The following STMP1 variants were observed in gnomAD, a reference collection of about 807,000 sequenced individuals.
STMP1 encodes the protein mitolamban.
In STMP1, 7 loss-of-function variants were observed where a neutral mutation model predicts 7.0. That is an observed-to-expected ratio of 1.01 (90% CI 0.57 to 1.89). The LOEUF (loss-of-function observed/expected upper bound fraction) is 1.89, where lower values mean the gene tolerates loss of function less well. Ranked by LOEUF, STMP1 falls within the 40% of genes most tolerant of loss-of-function variation. The pLI, the probability that STMP1 is intolerant of heterozygous loss-of-function variation, is 0.00. For synonymous variants in STMP1, 19 were observed against 18.4 expected, an observed-to-expected ratio of 1.03 and a Z score of -0.08; for missense variants, 45 against 53.0, an observed-to-expected ratio of 0.85 and a Z score of 0.47.
At chr7:135,663,243 C>T (rs1055684062) in intron 1 of STMP1, among the ~76,000 whole-genome samples, 2 of 152,202 alleles carry the variant, frequency 1.3e-5, no homozygotes, top group African/African-American at 4.8e-5. Flanking sequence ...TCAAAAATTG[C>T]TTGGTGAAGG....
intron 1 of STMP1, among the ~76,000 whole-genome samples, 174 bp downstream of exon 1, chr7:135,662,768 C>A (rs980083504): frequency 1.3e-5 from 2 of 152,238 alleles, no homozygotes; most frequent in Non-Finnish European, 2.9e-5. Flanking sequence ...CCTGCCTCCC[C>A]AGAAAATCCC....
chr7:135,666,847 G>T (rs77155966), intron 1 of STMP1, among the ~76,000 whole-genome samples: 1,781 of 152,284 alleles, frequency 0.012, 46 homozygotes, highest in African/African-American at 0.04. Flanking sequence ...ACAGGCTTTT[G>T]TGTGGATATG....
intron 1 of STMP1, among the ~76,000 whole-genome samples, chr7:135,667,974 A>G (rs976027852): frequency 6.6e-6 from 1 of 152,222 alleles, no homozygotes; most frequent in African/African-American, 2.4e-5. Context: ...AGTGTGAGAT[A>G]GGAGTCCACC....
chr7:135,672,899 A>C, intron 2 of STMP1, 93 bp downstream of exon 2: 1 of 1,040,250 alleles, frequency 9.6e-7, no homozygotes, highest in Non-Finnish European at 1.5e-6. Context: ...TCCAGCATAA[A>C]TGTAGTCCAT....
At chr7:135,672,530 CACCATTT>C (rs1795367373) in intron 1 of STMP1, among the ~76,000 whole-genome samples, 1 of 152,062 alleles carries the variant, frequency 6.6e-6, no homozygotes. Context: ...TGGTTGGTGT[CACCATTT>C]ATTCTTTTGT....
rs1584707268 is a variant in STMP1, at chr7:135,673,148, T to G, written c.69+342T>G. ...GAGAATTTAAAAATTAATTGGATAATATTTTCAGCCCCACTATCCAGTAGT... is the reference window on the plus strand; with the variant it reads ...GAGAATTTAAAAATTAATTGGATAAGATTTTCAGCCCCACTATCCAGTAGT... On this transcript the variant is annotated intron_variant, in intron 2 of 2. Coordinates refer to ENST00000507606, the MANE Select transcript of STMP1 (RefSeq NM_001130929.2). 9.9e-6 allele frequency: 3 copies of G among 304,086 alleles called. No homozygotes were observed. In the East Asian group the frequency reaches 2.1e-4, roughly 22 times the overall value. 18.8% of individuals were successfully genotyped at this position (304,086 alleles called of 1,614,324 possible).
At position 135,675,499 on chromosome 7, in the gene STMP1, A is replaced by G. The variant is rs540858062; in HGVS notation, c.*1334A>G. Reference sequence around the variant, plus strand: ...TAATTGATTTAATCTGCTACTGGTGAATGCTTAGGTTGTTCTTTTGCTATT... The same window carrying G: ...TAATTGATTTAATCTGCTACTGGTGGATGCTTAGGTTGTTCTTTTGCTATT... On this transcript the variant is annotated 3_prime_UTR_variant, in exon 3 of 3. Coordinates refer to ENST00000507606, the MANE Select transcript of STMP1 (RefSeq NM_001130929.2). The G allele has an allele frequency of 3.3e-5, 5 of 152,198 alleles. No homozygotes were observed. The South Asian group carries it at 1.0e-3, about 32-fold the overall frequency. 9.4% of individuals were successfully genotyped at this position (152,198 alleles called of 1,614,324 possible). A position where few individuals can be genotyped will look rare whatever the true frequency, so the allele number is the denominator to read the frequency against.
Position 135,672,807 on chromosome 7 carries a change from G to GT in STMP1, c.69+2dup. ...AATGTATCTGGCTCAGAACTATGAT[G>GT]TAAGTGGCCATATCCATGACTTCCT... On this transcript the variant is annotated splice_donor_variant, in intron 2 of 2. Transcript: ENST00000507606. LOFTEE classifies it high-confidence loss of function. The GT allele has an allele frequency of 6.4e-7, 1 of 1,550,976 alleles. No homozygotes were observed. The highest frequency in any genetic ancestry group is 1.2e-5 in the South Asian group (1 of 84,046).
rs948021505 is a variant in STMP1, at chr7:135,673,439, G to A, written c.69+633G>A. ...TTATAAAGCTTTTCATATGACAAAGGGAATTCCTTTGTCAACCTTCGTTTG... is the reference window on the plus strand; with the variant it reads ...TTATAAAGCTTTTCATATGACAAAGAGAATTCCTTTGTCAACCTTCGTTTG... On this transcript the variant is annotated intron_variant, in intron 2 of 2. Coordinates refer to ENST00000507606, the MANE Select transcript of STMP1 (RefSeq NM_001130929.2). 2.6e-5 allele frequency among the ~76,000 whole-genome samples: 4 copies of A among 152,134 alleles called. 1 individual carries two copies. The highest frequency in any genetic ancestry group is 9.7e-5 in the African/African-American group (4 of 41,402).
intron 2 of STMP1, 168 bp downstream of exon 2, chr7:135,672,974 C>G: frequency 1.6e-6 from 1 of 625,930 alleles, no homozygotes; most frequent in Admixed American, 2.9e-5. Flanking sequence ...AGTAATCCAA[C>G]TCATGAAACA....
chr7:135,663,536 G>T (rs1795258760), intron 1 of STMP1, among the ~76,000 whole-genome samples: 1 of 151,978 alleles, frequency 6.6e-6, no homozygotes, highest in Admixed American at 6.6e-5. Flanking sequence ...GTAGAGACGG[G>T]TTTCACCAAG....
At chr7:135,672,356 A>C (rs1795364606) in intron 1 of STMP1, among the ~76,000 whole-genome samples, 1 of 152,254 alleles carries the variant, frequency 6.6e-6, no homozygotes, top group African/African-American at 2.4e-5. Context: ...AAAAAAAGAC[A>C]AAAAAATTGC....
chr7:135,664,019 A>G (rs1219937421), intron 1 of STMP1, among the ~76,000 whole-genome samples: 1 of 152,220 alleles, frequency 6.6e-6, no homozygotes, highest in Non-Finnish European at 1.5e-5. Context: ...ATGGTAATGG[A>G]TTGTTAAATC....
chr7:135,669,883 T>C (rs1441283976), intron 1 of STMP1, among the ~76,000 whole-genome samples: 1 of 152,212 alleles, frequency 6.6e-6, no homozygotes, highest in Non-Finnish European at 1.5e-5. Flanking sequence ...TATGATGAAA[T>C]GTAGTTTGGA....
At chr7:135,666,049 T>C (rs12538438) in intron 1 of STMP1, among the ~76,000 whole-genome samples, 8,924 of 151,506 alleles carry the variant, frequency 0.059, 401 homozygotes, top group Middle Eastern at 0.13. Context: ...TCTCCTGCCT[T>C]AGCCTCCGAA....
At chr7:135,671,319 C>A (rs1022317537) in intron 1 of STMP1, among the ~76,000 whole-genome samples, 1 of 152,158 alleles carries the variant, frequency 6.6e-6, no homozygotes, top group Non-Finnish European at 1.5e-5. Flanking sequence ...GCATTCTGTT[C>A]CCCTGTGTGC....
chr7:135,675,225 C>T lies in STMP1; in HGVS notation c.*1060C>T, dbSNP rs949235903. 1 of 152,164 alleles carries T rather than the reference C, an allele frequency of 6.6e-6. No individual in the cohort carries two copies. The highest frequency in any genetic ancestry group is 2.4e-5 in the African/African-American group (1 of 41,448). The allele number at this position is 152,164 out of a possible 1,614,324, so 9.4% of individuals were successfully genotyped here. A position where few individuals can be genotyped will look rare whatever the true frequency, so the allele number is the denominator to read the frequency against. On this transcript the variant is annotated 3_prime_UTR_variant, in exon 3 of 3. Coordinates refer to ENST00000507606, the MANE Select transcript of STMP1 (RefSeq NM_001130929.2). ...ATTTCATATAAAGGGCCTCTCCCAC[C>T]CCTGTTCTCTGGCTCCTGGCTCCTG...
At position 135,662,558 on chromosome 7, in the gene STMP1, C is replaced by T; in HGVS notation, c.-22C>T. ...GAGCTGCTGCAGTCCTTCGCGCCCTCCTCGCCCTCCCCACCGACATCATGC... is the reference window on the plus strand; with the variant it reads ...GAGCTGCTGCAGTCCTTCGCGCCCTTCTCGCCCTCCCCACCGACATCATGC... On this transcript the variant is annotated 5_prime_UTR_variant, in exon 1 of 3. Transcript: ENST00000507606. 3 of 1,547,860 alleles carry T rather than the reference C, an allele frequency of 1.9e-6. No individual in the cohort carries two copies. Among genetic ancestry groups the T allele is most frequent in the Middle Eastern group, 1.7e-4 (1 of 5,980 alleles).
chr7:135,665,234 G>A (rs1028117850), intron 1 of STMP1, among the ~76,000 whole-genome samples: 3 of 152,144 alleles, frequency 2.0e-5, no homozygotes, highest in Admixed American at 6.5e-5. Flanking sequence ...TAAGCAGTGC[G>A]TTGTCATTAC....
Sources: allele counts gnomAD v4.1 joint callset (sites outside exome capture counted in the v4.1 genomes callset), GRCh38; gene constraint gnomAD v4.1.1; transcripts MANE v1.5; gene names NCBI Gene and HGNC (gene_info 2026-07-23, HGNC 2026-07-21).